Variants in IQUB observed in about 807,000 individuals in gnomAD.
IQUB encodes IQ motif and ubiquitin domain containing.
In IQUB, 86 loss-of-function variants were observed where a neutral mutation model predicts 86.4. The observed-to-expected ratio is 1.00, with a 90% CI of 0.84 to 1.19. IQUB has a LOEUF of 1.19. IQUB is among the 50% of genes most tolerant of loss of function. The pLI is 0.00. For missense variants in IQUB, 946 were observed against 916.9 expected, an observed-to-expected ratio of 1.03 and a Z score of -0.41; for synonymous variants, 289 against 304.5, an observed-to-expected ratio of 0.95 and a Z score of 0.53.
intron 12 of IQUB, among the ~76,000 whole-genome samples, chr7:123,455,610 C>G (rs78437691): frequency 2.0e-5 from 3 of 152,020 alleles, no homozygotes; most frequent in Non-Finnish European, 2.9e-5. Flanking sequence ...TTTTTATAGA[C>G]GAGAAAGCTG....
At chr7:123,521,179 A>T (rs1236553941) in intron 1 of IQUB, among the ~76,000 whole-genome samples, 5 of 152,086 alleles carry the variant, frequency 3.3e-5, no homozygotes, top group Non-Finnish European at 7.4e-5. Context: ...ACATATTATA[A>T]AGTTCCTTTC....
rs543414319 is a variant in IQUB, at chr7:123,456,997, G to A, written c.2193+384C>T. On this transcript the variant is annotated intron_variant, in intron 12 of 12. Transcript: ENST00000324698. ...TGGGTTCCATAATACCTATCTGGTG[G>A]TAATGCACATTTATTCATTCAACAA... The A allele has an allele frequency of 3.2e-4, 57 of 177,342 alleles. 1 individual carries two copies. In the South Asian group the frequency reaches 0.01, roughly 31 times the overall value. 11.0% of individuals were successfully genotyped at this position (177,342 alleles called of 1,614,324 possible). A position where few individuals can be genotyped will look rare whatever the true frequency, so the allele number is the denominator to read the frequency against.
intron 9 of IQUB, among the ~76,000 whole-genome samples, chr7:123,466,934 G>A (rs193227631): frequency 1.1e-3 from 173 of 152,068 alleles, no homozygotes; most frequent in African/African-American, 2.9e-3. Flanking sequence ...AGTTAATACC[G>A]ATGATCACAC....
chr7:123,533,428 T>C (rs780066529), intron 1 of IQUB, among the ~76,000 whole-genome samples: 15 of 152,342 alleles, frequency 9.8e-5, no homozygotes, highest in Middle Eastern at 6.8e-3. Flanking sequence ...TAATTAAATA[T>C]CCCTTTGTTG....
chr7:123,517,078 C>T (rs1368447439), intron 1 of IQUB, among the ~76,000 whole-genome samples: 1 of 152,098 alleles, frequency 6.6e-6, no homozygotes. Flanking sequence ...CAATTAGATG[C>T]CATACACACA....
chr7:123,502,597 C>T lies in IQUB; in HGVS notation c.1023G>A (p.Ala341=), dbSNP rs770600817. The T allele has an allele frequency of 2.1e-5, 33 of 1,608,126 alleles. No individual in the cohort carries two copies. Among genetic ancestry groups the T allele is most frequent in the East Asian group, 2.0e-4 (9 of 44,786 alleles). The stretch of plus-strand genomic sequence containing the variant: ...TCATCCACAATAAAAGTTATCTCAC[C>T]GCCTTTAGTCTTTGAGCATGGTATT... ...AAEYHAQRLK[A]VIVIQTYYRQ... The change falls in exon 6 of 13, where the codon GCG becomes GCA. Residue 341 remains alanine (A), a splice_region_variant and synonymous_variant. Coordinates refer to ENST00000324698, the MANE Select transcript of IQUB (RefSeq NM_178827.5).
chr7:123,520,373 T>G (rs1296882393), intron 1 of IQUB, among the ~76,000 whole-genome samples: 1 of 152,058 alleles, frequency 6.6e-6, no homozygotes, highest in Non-Finnish European at 1.5e-5. Flanking sequence ...TTGGATCAGA[T>G]AAAGAGCTAG....
At chr7:123,472,818 C>A (rs1794592172) in intron 8 of IQUB, among the ~76,000 whole-genome samples, 1 of 152,206 alleles carries the variant, frequency 6.6e-6, no homozygotes, top group African/African-American at 2.4e-5. Context: ...AAAATGTCAA[C>A]TTTGCTTATT....
chr7:123,452,720 T>TCAAA lies in IQUB; in HGVS notation c.*19_*22dup. On this transcript the variant is annotated 3_prime_UTR_variant, in exon 13 of 13. Transcript: ENST00000324698. ...TTAGCAGTGAACAAAATGCCGATCA[T>TCAAA]CAAACAAATACTCCTGGATCACCTA... 1.3e-6 allele frequency: 2 copies of TCAAA among 1,577,754 alleles called. No individual in the cohort carries two copies. Among genetic ancestry groups the TCAAA allele is most frequent in the South Asian group, 1.1e-5 (1 of 88,370 alleles).
intron 1 of IQUB, among the ~76,000 whole-genome samples, chr7:123,519,758 A>G (rs895462727): frequency 7.2e-5 from 11 of 152,186 alleles, no homozygotes; most frequent in African/African-American, 2.4e-4. Flanking sequence ...TATAGTTAAC[A>G]ATATTTTATA....
intron 7 of IQUB, among the ~76,000 whole-genome samples, chr7:123,482,455 A>T (rs1795051465): frequency 6.6e-6 from 1 of 152,066 alleles, no homozygotes; most frequent in Non-Finnish European, 1.5e-5. Flanking sequence ...TACAAACTAC[A>T]TTTTTACCAC....
chr7:123,475,883 T>C (rs960099674), intron 8 of IQUB, among the ~76,000 whole-genome samples: 2 of 152,208 alleles, frequency 1.3e-5, no homozygotes, highest in Admixed American at 1.3e-4. Flanking sequence ...AATAGGTTTA[T>C]TTCAAAAGAT....
intron 12 of IQUB, among the ~76,000 whole-genome samples, chr7:123,455,064 G>A (rs998939596): frequency 6.6e-6 from 1 of 151,944 alleles, no homozygotes; most frequent in African/African-American, 2.4e-5. Context: ...CTACATGGGA[G>A]ATTTGTCTAT....
At chr7:123,490,461 C>A (rs2117132306) in intron 7 of IQUB, among the ~76,000 whole-genome samples, 1 of 152,170 alleles carries the variant, frequency 6.6e-6, no homozygotes, top group South Asian at 2.1e-4. Flanking sequence ...GATTTCAATA[C>A]CCCCTCACAA....
chr7:123,477,296 C>T (rs1333693544), intron 8 of IQUB, among the ~76,000 whole-genome samples: 1 of 152,122 alleles, frequency 6.6e-6, no homozygotes, highest in Admixed American at 6.5e-5. Context: ...ACATCCACAA[C>T]TATCTGATCT....
rs58043575 is a variant in IQUB at position 123,473,742 on chromosome 7, AT to A, written c.1411-4359del. 9.4e-3 allele frequency among the ~76,000 whole-genome samples: 1,309 copies of A among 139,264 alleles called. 7 individuals are homozygous for A. Among genetic ancestry groups the A allele is most frequent in the South Asian group, 0.014 (61 of 4,344 alleles). The allele number at this position is 139,264 out of a possible 152,430, so 91.4% of individuals were successfully genotyped here. A position where few individuals can be genotyped will look rare whatever the true frequency, so the allele number is the denominator to read the frequency against. On this transcript the variant is annotated intron_variant, in intron 8 of 12. Transcript: ENST00000324698. Reference sequence around the variant, plus strand: ...AGGCACCCGCCACAATGCCCGGCTAATTTTTTTTTTTTTTTTGTATTTTTAG... The same window carrying A: ...AGGCACCCGCCACAATGCCCGGCTAATTTTTTTTTTTTTTTGTATTTTTAG...
At chr7:123,502,857 T>C (rs1796009261) in intron 5 of IQUB, 87 bp downstream of exon 5, 4 of 1,393,814 alleles carry the variant, frequency 2.9e-6, no homozygotes, top group Middle Eastern at 1.9e-4. Flanking sequence ...TGCCATATAA[T>C]TACTTAAGAG....
At chr7:123,504,844 T>TC (rs1796105101) in intron 3 of IQUB, among the ~76,000 whole-genome samples, 1 of 151,976 alleles carries the variant, frequency 6.6e-6, no homozygotes, top group South Asian at 2.1e-4. Context: ...TTCTTAACAG[T>TC]CCCCCAAGTA....
rs73720257 is a variant in IQUB at position 123,484,874 on chromosome 7, T to C, written c.1235-4904A>G. Among the ~76,000 whole-genome samples, 1,321 of 152,174 alleles carry C rather than the reference T, an allele frequency of 8.7e-3. 19 individuals carry two copies. Among genetic ancestry groups the C allele is most frequent in the African/African-American group, 0.03 (1,257 of 41,530 alleles). Reference sequence around the variant, plus strand: ...GATGAATAACTTCCCTGTAAATCTATAGTAAGGGATGACATATGTCAGTAA... The same window carrying C: ...GATGAATAACTTCCCTGTAAATCTACAGTAAGGGATGACATATGTCAGTAA... On this transcript the variant is annotated intron_variant, in intron 7 of 12. Transcript: ENST00000324698.
Sources: allele counts gnomAD v4.1 joint callset (sites outside exome capture counted in the v4.1 genomes callset), GRCh38; gene constraint gnomAD v4.1.1; transcripts MANE v1.5; gene names NCBI Gene and HGNC (gene_info 2026-07-23, HGNC 2026-07-21).